OPCML: variants seen among roughly 807,000 people sequenced by gnomAD.
OPCML encodes opioid binding protein/cell adhesion molecule like, also known as opioid-binding protein/cell adhesion molecule.
OPCML carries 13 observed loss-of-function variants against 37.8 expected under a neutral mutation model. The observed-to-expected ratio is 0.34, with a 90% CI of 0.22 to 0.55. The LOEUF (loss-of-function observed/expected upper bound fraction) is 0.55. Ranked by LOEUF, OPCML falls within the 20% of genes least tolerant of loss-of-function variation. The pLI is 0.91. For missense variants in OPCML, 341 were observed against 435.6 expected (o/e 0.78, Z 1.93); for synonymous variants, 176 against 168.8 (o/e 1.04, Z -0.33).
At chr11:133,508,041 G>T (rs1399034730) in intron 1 of OPCML, among the ~76,000 whole-genome samples, 1 of 152,082 alleles carries the variant, frequency 6.6e-6, no homozygotes, top group Admixed American at 6.5e-5. Flanking sequence ...TACCAGGGAA[G>T]CTTTTCAAAA....
At chr11:132,863,609 C>T (rs1248847956) in intron 2 of OPCML, among the ~76,000 whole-genome samples, 1 of 152,198 alleles carries the variant, frequency 6.6e-6, no homozygotes, top group Non-Finnish European at 1.5e-5. Flanking sequence ...CACGTTTTCT[C>T]CAAAGTCGGC....
intron 1 of OPCML, among the ~76,000 whole-genome samples, chr11:133,382,876 T>G (rs1413856645): frequency 1.3e-5 from 2 of 152,174 alleles, no homozygotes; most frequent in African/African-American, 4.8e-5. Context: ...CTGCCACATG[T>G]GTTAGCTCCT....
intron 1 of OPCML, among the ~76,000 whole-genome samples, chr11:132,947,589 TG>T (rs1348404373): frequency 1.3e-5 from 2 of 152,226 alleles, no homozygotes; most frequent in Non-Finnish European, 2.9e-5. Context: ...AGGACACTGC[TG>T]TGGACTAGTC....
At chr11:133,150,707 C>T (rs1949967713) in intron 1 of OPCML, among the ~76,000 whole-genome samples, 1 of 152,214 alleles carries the variant, frequency 6.6e-6, no homozygotes, top group African/African-American at 2.4e-5. Context: ...ACAAAATCTT[C>T]CTCCTCTCTC....
At chr11:132,965,142 C>T (rs531451925) in intron 1 of OPCML, among the ~76,000 whole-genome samples, 1 of 152,328 alleles carries the variant, frequency 6.6e-6, no homozygotes, top group East Asian at 1.9e-4. Flanking sequence ...CACCCTATCG[C>T]TTGTAAGCTG....
chr11:132,629,246 G>T (rs560949657), intron 3 of OPCML, among the ~76,000 whole-genome samples: 61 of 152,278 alleles, frequency 4.0e-4, no homozygotes, highest in African/African-American at 1.3e-3. Flanking sequence ...CCTCGTGACA[G>T]TCATCTCCAT....
At chr11:133,142,343 T>A (rs1592044556) in intron 1 of OPCML, among the ~76,000 whole-genome samples, 2 of 152,224 alleles carry the variant, frequency 1.3e-5, no homozygotes, top group African/African-American at 4.8e-5. Flanking sequence ...CTGGTCAGAA[T>A]GATTGTTCTA....
At chr11:133,016,136 T>C (rs887533173) in intron 1 of OPCML, among the ~76,000 whole-genome samples, 1 of 152,240 alleles carries the variant, frequency 6.6e-6, no homozygotes, top group Non-Finnish European at 1.5e-5. Flanking sequence ...TATAAGAAAT[T>C]ACCAAAAATG....
chr11:132,761,261 G>C (rs1051152222), intron 2 of OPCML, among the ~76,000 whole-genome samples: 1 of 137,252 alleles, frequency 7.3e-6, no homozygotes, highest in Non-Finnish European at 1.5e-5. Context: ...TTTCAACCTT[G>C]GTAAATCTGG....
chr11:132,539,243 T>C (rs1239052713), intron 3 of OPCML, among the ~76,000 whole-genome samples: 1 of 152,174 alleles, frequency 6.6e-6, no homozygotes, highest in East Asian at 1.9e-4. Flanking sequence ...TGATAGCCCA[T>C]ACTAGGGATT....
At chr11:133,337,501 C>T (rs184124109) in intron 1 of OPCML, among the ~76,000 whole-genome samples, 1 of 152,284 alleles carries the variant, frequency 6.6e-6, no homozygotes, top group East Asian at 1.9e-4. Flanking sequence ...TCAGCTCTTG[C>T]CCCTTTTTGT....
At chr11:132,793,773 C>T (rs1431365435) in intron 2 of OPCML, among the ~76,000 whole-genome samples, 4 of 152,214 alleles carry the variant, frequency 2.6e-5, no homozygotes, top group African/African-American at 9.6e-5. Flanking sequence ...CATGGGACTA[C>T]TGCCCTAGGC....
At position 133,136,766 on chromosome 11, in the gene OPCML, C is replaced by T. The variant is rs899712178; in HGVS notation, c.62-193756G>A. Among the ~76,000 whole-genome samples, 21 of 150,630 alleles carry T rather than the reference C, an allele frequency of 1.4e-4. No homozygotes were observed. In the South Asian group the frequency reaches 3.8e-3, roughly 27 times the overall value. On this transcript the variant is annotated intron_variant, in intron 1 of 7. Transcript: ENST00000524381. ...GGAAATTTAGGATGTGGCTCGATTT[C>T]GAAGAACCTAAAATGTTGGGCTTTG...
At chr11:132,437,186 T>A (rs1486762575) in intron 5 of OPCML, 36 bp downstream of exon 5, 1 of 1,603,124 alleles carries the variant, frequency 6.2e-7, no homozygotes, top group African/African-American at 1.3e-5. Context: ...CTGTGCCGTC[T>A]TTTCCCCAGA....
At chr11:133,445,899 G>A (rs1946464477) in intron 1 of OPCML, among the ~76,000 whole-genome samples, 1 of 152,080 alleles carries the variant, frequency 6.6e-6, no homozygotes, top group Non-Finnish European at 1.5e-5. Context: ...AGATGGGGCT[G>A]AGAAGGAAGG....
chr11:133,280,472 C>T (rs565935734), intron 1 of OPCML, among the ~76,000 whole-genome samples: 1 of 152,272 alleles, frequency 6.6e-6, no homozygotes, highest in East Asian at 1.9e-4. Flanking sequence ...TTTCAAGGAA[C>T]ACTTCATTAG....
At chr11:132,737,111 G>GA (rs1176479236) in intron 2 of OPCML, among the ~76,000 whole-genome samples, 4 of 151,974 alleles carry the variant, frequency 2.6e-5, no homozygotes, top group Non-Finnish European at 4.4e-5. Context: ...AATGTGACTG[G>GA]AAAAAAATAA....
At chr11:133,280,872 GAGAA>G (rs1280590369) in intron 1 of OPCML, among the ~76,000 whole-genome samples, 2 of 152,172 alleles carry the variant, frequency 1.3e-5, no homozygotes, top group Admixed American at 6.5e-5. Context: ...GGCAAATGGT[GAGAA>G]AGAAAGTTTT....
intron 1 of OPCML, among the ~76,000 whole-genome samples, chr11:133,508,535 G>A (rs762851303): frequency 2.0e-5 from 3 of 152,198 alleles, no homozygotes; most frequent in Non-Finnish European, 4.4e-5. Context: ...CAGCAGCCAT[G>A]GCCCTGGCTG....
Sources: gnomAD v4.1 joint callset for allele counts (sites outside exome capture counted in the v4.1 genomes callset) on GRCh38, gnomAD v4.1.1 for gene constraint, MANE v1.5 for transcripts, NCBI Gene and HGNC (gene_info 2026-07-23, HGNC 2026-07-21) for gene names.